ARHGAP10: variants seen among roughly 807,000 people sequenced by gnomAD.
ARHGAP10 encodes rho GTPase-activating protein 10.
Under a neutral mutation model 108.6 loss-of-function variants are expected in ARHGAP10, and 87 were observed. The observed-to-expected ratio is 0.80, with a 90% CI of 0.67 to 0.96. ARHGAP10 has a LOEUF of 0.96. Ranked by LOEUF, ARHGAP10 falls within the 40% of genes least tolerant of loss-of-function variation. ARHGAP10 has a pLI of 0.00. For synonymous variants in ARHGAP10, 347 were observed against 341.1 expected, an observed-to-expected ratio of 1.02 and a Z score of -0.19; for missense variants, 939 against 954.5, an observed-to-expected ratio of 0.98 and a Z score of 0.21.
intron 18 of ARHGAP10, among the ~76,000 whole-genome samples, chr4:147,971,806 C>T (rs1430437621): frequency 1.3e-5 from 2 of 152,082 alleles, no homozygotes; most frequent in Non-Finnish European, 2.9e-5. Flanking sequence ...CTTCACAAAA[C>T]TTAATCTGAC....
intron 1 of ARHGAP10, among the ~76,000 whole-genome samples, chr4:147,756,194 C>T (rs1729367176): frequency 6.6e-6 from 1 of 152,034 alleles, no homozygotes; most frequent in Non-Finnish European, 1.5e-5. Context: ...CCAGGACTCT[C>T]CAGTCAGCTT....
At chr4:147,944,045 T>C (rs1738276230) in intron 14 of ARHGAP10, among the ~76,000 whole-genome samples, 1 of 152,236 alleles carries the variant, frequency 6.6e-6, no homozygotes, top group South Asian at 2.1e-4. Flanking sequence ...CTCTTGGATT[T>C]TAAAAAGGTG....
chr4:147,795,801 T>A (rs993004461), intron 1 of ARHGAP10, among the ~76,000 whole-genome samples: 3 of 151,932 alleles, frequency 2.0e-5, no homozygotes, highest in Non-Finnish European at 2.9e-5. Flanking sequence ...TTCAAGCTAT[T>A]CTCCTGCCTC....
At chr4:147,835,837 G>A (rs980032621) in intron 3 of ARHGAP10, among the ~76,000 whole-genome samples, 1 of 152,066 alleles carries the variant, frequency 6.6e-6, no homozygotes, top group Admixed American at 6.5e-5. Context: ...ATTTCTATGG[G>A]GTTTTTATTT....
At chr4:147,816,943 G>A (rs530161081) in intron 1 of ARHGAP10, among the ~76,000 whole-genome samples, 2 of 152,106 alleles carry the variant, frequency 1.3e-5, no homozygotes, top group East Asian at 1.9e-4. Flanking sequence ...ATTTTGGTGC[G>A]TGTTTTGATG....
intron 1 of ARHGAP10, among the ~76,000 whole-genome samples, chr4:147,803,200 G>A (rs552443916): frequency 6.6e-6 from 1 of 152,162 alleles, no homozygotes; most frequent in East Asian, 1.9e-4. Flanking sequence ...GTAGAGATGG[G>A]GTTTCACCGT....
chr4:147,943,781 A>G (rs978452975), intron 14 of ARHGAP10, among the ~76,000 whole-genome samples: 4 of 152,338 alleles, frequency 2.6e-5, no homozygotes, highest in Non-Finnish European at 5.9e-5. Flanking sequence ...TAATTATTAA[A>G]TTCTGCCTAG....
At chr4:147,988,549 T>G (rs1278777166) in intron 18 of ARHGAP10, among the ~76,000 whole-genome samples, 1 of 152,202 alleles carries the variant, frequency 6.6e-6, no homozygotes, top group Non-Finnish European at 1.5e-5. Flanking sequence ...ATGAGAGCTT[T>G]GGGTTCTGTT....
chr4:148,033,467 C>T (rs1728240349), intron 19 of ARHGAP10, among the ~76,000 whole-genome samples: 1 of 152,166 alleles, frequency 6.6e-6, no homozygotes, highest in African/African-American at 2.4e-5. Flanking sequence ...TATAAGCATA[C>T]AAGTAAATCT....
At chr4:147,936,574 C>T (rs1275582294) in intron 13 of ARHGAP10, among the ~76,000 whole-genome samples, 1 of 151,938 alleles carries the variant, frequency 6.6e-6, no homozygotes, top group Non-Finnish European at 1.5e-5. Flanking sequence ...CATGATCCAC[C>T]CGCCTCGGCC....
chr4:147,856,807 T>C (rs1734104198), intron 4 of ARHGAP10, among the ~76,000 whole-genome samples: 1 of 152,198 alleles, frequency 6.6e-6, no homozygotes, highest in African/African-American at 2.4e-5. Context: ...AAGATGTTTT[T>C]TTTCCAACAC....
chr4:148,063,084 T>A, intron 20 of ARHGAP10, 64 bp from the exon 21 acceptor site: 2 of 1,570,530 alleles, frequency 1.3e-6, no homozygotes, highest in Non-Finnish European at 1.7e-6. Flanking sequence ...GATTGGGATG[T>A]TGTGCATTTC....
At chr4:148,003,899 C>CCTAAGA (rs1467543169) in intron 18 of ARHGAP10, among the ~76,000 whole-genome samples, 3 of 152,120 alleles carry the variant, frequency 2.0e-5, no homozygotes, top group African/African-American at 4.8e-5. Flanking sequence ...TGAGTGTAAG[C>CCTAAGA]CTAAATCAGC....
chr4:147,841,040 A>G (rs1417263749), intron 3 of ARHGAP10, among the ~76,000 whole-genome samples: 1 of 152,356 alleles, frequency 6.6e-6, no homozygotes, highest in Non-Finnish European at 1.5e-5. Flanking sequence ...ACTTGGACCC[A>G]TCATTCATAT....
At chr4:147,789,828 AT>A (rs1196991268) in intron 1 of ARHGAP10, among the ~76,000 whole-genome samples, 2 of 152,144 alleles carry the variant, frequency 1.3e-5, no homozygotes, top group Non-Finnish European at 2.9e-5. Flanking sequence ...GTCATTAAAA[AT>A]CAGAGCATTC....
At chr4:148,032,545 G>T (rs1254759407) in intron 19 of ARHGAP10, among the ~76,000 whole-genome samples, 1 of 151,978 alleles carries the variant, frequency 6.6e-6, no homozygotes, top group Non-Finnish European at 1.5e-5. Context: ...ATAGTTTCCT[G>T]TCCTTCTAGA....
rs1000178994 is a variant in ARHGAP10, at chr4:147,914,564, C to T, written c.1228+1425C>T. Among the ~76,000 whole-genome samples the T allele has an allele frequency of 4.5e-5, 5 of 111,370 alleles. No individual in the cohort carries two copies. In the South Asian group the frequency reaches 1.9e-3, roughly 41 times the overall value. 73.1% of individuals were successfully genotyped at this position (111,370 alleles called of 152,430 possible). A position where few individuals can be genotyped will look rare whatever the true frequency, so the allele number is the denominator to read the frequency against. ...TTACGCATGTTCTGCGCTCCCCCCCCCCCCTTTTTTTTTTTAACATCTTCA... is the reference window on the plus strand; with the variant it reads ...TTACGCATGTTCTGCGCTCCCCCCCTCCCCTTTTTTTTTTTAACATCTTCA... On this transcript the variant is annotated intron_variant, in intron 13 of 22. Transcript: ENST00000336498.
chr4:147,733,477 T>C (rs1378502474), intron 1 of ARHGAP10, among the ~76,000 whole-genome samples: 1 of 152,114 alleles, frequency 6.6e-6, no homozygotes, highest in Non-Finnish European at 1.5e-5. Flanking sequence ...TATCCAGCCT[T>C]GAGGGGCTGG....
intron 1 of ARHGAP10, among the ~76,000 whole-genome samples, chr4:147,811,389 A>C (rs530417768): frequency 8.2e-4 from 125 of 152,262 alleles, no homozygotes; most frequent in Non-Finnish European, 1.3e-3. Context: ...AGTTTGGTCT[A>C]CCTGAGGCAT....
Sources: allele counts gnomAD v4.1 joint callset (sites outside exome capture counted in the v4.1 genomes callset), GRCh38; gene constraint gnomAD v4.1.1; transcripts MANE v1.5; gene names NCBI Gene and HGNC (gene_info 2026-07-23, HGNC 2026-07-21).